The following SF1 variants were observed in gnomAD, a reference collection of about 807,000 sequenced individuals.
The protein encoded by SF1 is branch point-binding protein.
Under a neutral mutation model 62.5 loss-of-function variants are expected in SF1, and 7 were observed. That is an observed-to-expected ratio of 0.11 (90% CI 0.06 to 0.21). The LOEUF is 0.21. Among genes scored for constraint, SF1 ranks in the 10% least tolerant of loss-of-function variants. The pLI is 1.00. For synonymous variants in SF1, 394 were observed against 323.6 expected, an observed-to-expected ratio of 1.22 and a Z score of -2.33; for missense variants, 578 against 884.0, an observed-to-expected ratio of 0.65 and a Z score of 4.39.
chr11:64,773,070 G>C (rs1938577328), intron 3 of SF1: 1 of 1,124,456 alleles, frequency 8.9e-7, no homozygotes, highest in African/African-American at 1.7e-5. Context: ...GTACCTGTGA[G>C]AAAAACTCTA....
At chr11:64,778,288 T>A (rs1592547535) in intron 1 of SF1, 74 bp downstream of exon 1, 1 of 1,205,796 alleles carries the variant, frequency 8.3e-7, no homozygotes, top group Non-Finnish European at 1.0e-6. Flanking sequence ...CAGGCCCGGG[T>A]GCAGGCGGAG....
intron 9 of SF1, 109 bp from the exon 10 acceptor site, chr11:64,767,953 G>T (rs1937625081): frequency 6.7e-7 from 1 of 1,485,024 alleles, no homozygotes; most frequent in African/African-American, 1.4e-5. Context: ...TCTTCCCGAA[G>T]TGAGAAGTCC....
Position 64,776,639 on chromosome 11 carries a change from G to GA in SF1, c.32-14dup, listed in dbSNP as rs1565585315. ...TTACTTGGGAAGTCTAAAAGGCAGA[G>GA]ACAAAATCCATCCGATGTAAATACA... On this transcript the variant is annotated splice_polypyrimidine_tract_variant and intron_variant, in intron 1 of 12. Transcript: ENST00000377390. 1 of 1,605,256 alleles carries GA rather than the reference G, an allele frequency of 6.2e-7. No individual in the cohort carries two copies. Among genetic ancestry groups the GA allele is most frequent in the South Asian group, 1.1e-5 (1 of 89,072 alleles).
In SF1 at chr11:64,778,036, G is replaced by A. The variant is rs1016061446; in HGVS notation, c.31+326C>T. ...GCTGCTGGTCCTTACGCGGCGGCTG[G>A]GGTGGCGGCGGCTGCGGCGGCGACA... is the stretch of plus-strand genomic sequence containing the variant. On this transcript the variant is annotated intron_variant, in intron 1 of 12. Transcript: ENST00000377390. 5.9e-6 allele frequency: 6 copies of A among 1,010,620 alleles called. No homozygotes were observed. In the African/African-American group the frequency reaches 7.0e-5, roughly 12 times the overall value. 62.6% of individuals were successfully genotyped at this position (1,010,620 alleles called of 1,614,324 possible).
In SF1 at chr11:64,777,854, G is replaced by A. The variant is rs1416380926; in HGVS notation, c.31+508C>T. Reference sequence around the variant, plus strand: ...AACCAGGCCGCGCGCGCCCAGGGGCGCCTCCGCCCGGGCCTCCCCGTGCGC... The same window carrying A: ...AACCAGGCCGCGCGCGCCCAGGGGCACCTCCGCCCGGGCCTCCCCGTGCGC... On this transcript the variant is annotated intron_variant, in intron 1 of 12. Coordinates refer to ENST00000377390, the MANE Select transcript of SF1 (RefSeq NM_004630.4). The A allele has an allele frequency of 1.1e-5, 10 of 942,404 alleles. No homozygotes were observed. In the East Asian group the frequency reaches 7.0e-4, roughly 66 times the overall value. The allele number at this position is 942,404 out of a possible 1,614,324, so 58.4% of individuals were successfully genotyped here.
intron 2 of SF1, among the ~76,000 whole-genome samples, chr11:64,775,168 G>C (rs923421792): frequency 2.0e-5 from 3 of 152,116 alleles, no homozygotes; most frequent in Non-Finnish European, 4.4e-5. Context: ...TGACTATGGA[G>C]ATGTGGGGCC....
Position 64,768,274 on chromosome 11 carries a change from A to G in SF1, c.900T>C (p.Pro300=). ...TCCGTGCTTTATCCTGAGCTGACTG[A>G]GGATCACCAGGCCTGAAGTGGGGTG... The part of the protein sequence containing the change: ...SDCKFQRPGD[P]QSAQDKARMD... The change falls in exon 9 of 13, where the codon CCT becomes CCC. Residue 300 remains proline, a synonymous_variant. Coordinates refer to ENST00000377390, the MANE Select transcript of SF1 (RefSeq NM_004630.4). The G allele has an allele frequency of 6.2e-7, 1 of 1,613,252 alleles. No homozygotes were observed. The highest frequency in any genetic ancestry group is 8.5e-7 in the Non-Finnish European group (1 of 1,179,680).
At chr11:64,775,796 CATTA>C (rs1387876814) in intron 2 of SF1, among the ~76,000 whole-genome samples, 1 of 152,174 alleles carries the variant, frequency 6.6e-6, no homozygotes, top group African/African-American at 2.4e-5. Context: ...TGTGGATAGT[CATTA>C]ATTCTCAAAA....
In SF1 at chr11:64,767,043, G is replaced by T. The variant is rs766563165; in HGVS notation, c.1439C>A (p.Pro480Gln). ...MPPPPMGMMP[P>Q]PPPPPSGQPP... ...CTGCCCACTGGGAGGCGGCGGCGGC[G>T]GCGGCATCATGCCCATAGGTGGTGG... The change falls in exon 12 of 13, where the codon CCG becomes CAG. Residue 480 changes from proline to glutamine, a missense_variant. Pro to Gln is a moderately conservative substitution (Grantham distance 76, BLOSUM62 -1). Around this residue, in one of 7 missense-constraint regions of SF1, gnomAD observed 410 missense variants for 452.4 expected, o/e 0.91. Coordinates refer to ENST00000377390, the MANE Select transcript of SF1 (RefSeq NM_004630.4). 1 of 1,557,448 alleles carries T rather than the reference G, an allele frequency of 6.4e-7. No homozygotes were observed. The highest frequency in any genetic ancestry group is 8.7e-7 in the Non-Finnish European group (1 of 1,149,948).
At chr11:64,776,433 CA>C in intron 2 of SF1, 64 bp downstream of exon 2, 1 of 1,522,358 alleles carries the variant, frequency 6.6e-7, no homozygotes, top group Non-Finnish European at 9.0e-7. Flanking sequence ...TCAAAAAATG[CA>C]GATCTTGCTC....
intron 2 of SF1, chr11:64,776,251 T>G (rs1939224429): frequency 2.3e-6 from 1 of 435,570 alleles, no homozygotes; most frequent in South Asian, 2.1e-5. Flanking sequence ...TGGGGACTGT[T>G]CTTACTCCTA....
At position 64,776,491 on chromosome 11, in the gene SF1, T is replaced by C. The variant is rs1362847705; in HGVS notation, c.160+7A>G. ...AAAGTGCATTTGGATGCAGAACGTA[T>C]ATTTACCTATATAAGCTCTTTCTTG... On this transcript the variant is annotated splice_region_variant and intron_variant, in intron 2 of 12. Coordinates refer to ENST00000377390, the MANE Select transcript of SF1 (RefSeq NM_004630.4). 2 of 1,565,310 alleles carry C rather than the reference T, an allele frequency of 1.3e-6. No homozygotes were observed. The highest frequency in any genetic ancestry group is 2.8e-5 in the African/African-American group (2 of 71,972).
At position 64,765,778 on chromosome 11, in the gene SF1, T is replaced by C; in HGVS notation, c.*40A>G. On this transcript the variant is annotated 3_prime_UTR_variant, in exon 13 of 13. Coordinates refer to ENST00000377390, the MANE Select transcript of SF1 (RefSeq NM_004630.4). ...GTTCGGCGTGTTTAAACGAGACCAATTCTCTCTATATATAATATATATTTT... is the reference window on the plus strand; with the variant it reads ...GTTCGGCGTGTTTAAACGAGACCAACTCTCTCTATATATAATATATATTTT... 6.7e-7 allele frequency: 1 copy of C among 1,498,934 alleles called. No homozygotes were observed. The highest frequency in any genetic ancestry group is 8.9e-7 in the Non-Finnish European group (1 of 1,126,132). The allele number at this position is 1,498,934 out of a possible 1,614,324, so 92.9% of individuals were successfully genotyped here. A position where few individuals can be genotyped will look rare whatever the true frequency, so the allele number is the denominator to read the frequency against.
rs1158321633 is a variant in SF1, at chr11:64,767,028, G to T, written c.1454C>A (p.Pro485His). 1 of 1,550,282 alleles carries T rather than the reference G, an allele frequency of 6.5e-7. No homozygotes were observed. The highest frequency in any genetic ancestry group is 2.3e-5 in the East Asian group (1 of 44,084). The part of the protein sequence containing the change: ...MGMMPPPPPP[P>H]SGQPPPPPSG... ...GGGAGGGGGTGGGGGCTGCCCACTG[G>T]GAGGCGGCGGCGGCGGCGGCATCAT... The change falls in exon 12 of 13, where the codon CCC becomes CAC. Residue 485 changes from proline (P) to histidine (H), a missense_variant. By Grantham distance (77) the Pro-to-His change is moderately conservative (BLOSUM62 -2). Transcript: ENST00000377390.
At chr11:64,768,500 G>A (rs1489063193) in intron 8 of SF1, among the ~76,000 whole-genome samples, 2 of 152,248 alleles carry the variant, frequency 1.3e-5, no homozygotes, top group Admixed American at 6.5e-5. Flanking sequence ...CCAGAGTAGA[G>A]GGGCCCCTGG....
In SF1 at chr11:64,765,013, C is replaced by T. The variant is rs534700747; in HGVS notation, c.*805G>A. ...GGATCGCCAGGACGGATGGGAATCC[C>T]GAAACCTGGAGATGAACCTACCCTC... is the stretch of plus-strand genomic sequence containing the variant. On this transcript the variant is annotated 3_prime_UTR_variant, in exon 13 of 13. Coordinates refer to ENST00000377390, the MANE Select transcript of SF1 (RefSeq NM_004630.4). The T allele has an allele frequency of 1.4e-3, 213 of 153,050 alleles. No individual in the cohort carries two copies. Among genetic ancestry groups the T allele is most frequent in the Non-Finnish European group, 2.7e-3 (186 of 68,594 alleles). 9.5% of individuals were successfully genotyped at this position (153,050 alleles called of 1,614,324 possible). A position where few individuals can be genotyped will look rare whatever the true frequency, so the allele number is the denominator to read the frequency against.
chr11:64,765,523 C>T lies in SF1; in HGVS notation c.*295G>A, dbSNP rs775731187. 4.4e-6 allele frequency: 7 copies of T among 1,605,556 alleles called. No homozygotes were observed. The African/African-American group carries it at 5.4e-5, about 12-fold the overall frequency. On this transcript the variant is annotated 3_prime_UTR_variant, in exon 13 of 13. Coordinates refer to ENST00000377390, the MANE Select transcript of SF1 (RefSeq NM_004630.4). ...TCGCCGCCGCGGGGAGGGATCCTGG[C>T]GGCCCGGTTTGGGGAGAGGCAAAGG...
chr11:64,773,252 A>G, intron 3 of SF1, 178 bp downstream of exon 3: 1 of 1,410,592 alleles, frequency 7.1e-7, no homozygotes, highest in Non-Finnish European at 9.2e-7. Context: ...TTTTATTCCA[A>G]TTTTCTAACT....
intron 2 of SF1, 200 bp downstream of exon 2, chr11:64,776,297 AC>A (rs1205228639): frequency 1.8e-6 from 1 of 552,202 alleles, no homozygotes; most frequent in African/African-American, 1.9e-5. Context: ...CATGGAGAAC[AC>A]TGCAGTTACG....
Sources: allele counts gnomAD v4.1 joint callset (sites outside exome capture counted in the v4.1 genomes callset), GRCh38; gene constraint gnomAD v4.1.1; regional missense constraint gnomAD v4.1.1; transcripts MANE v1.5; gene names NCBI Gene and HGNC (gene_info 2026-07-23, HGNC 2026-07-21).